Variants in LRRC15 observed in about 807,000 individuals in gnomAD.
LRRC15 encodes the protein leucine-rich repeat-containing protein 15.
LRRC15 carries 5 observed loss-of-function variants against 4.3 expected under a neutral mutation model. The ratio of observed to expected loss-of-function variants is 1.16; its 90% CI spans 0.61 to 2.44. The LOEUF (loss-of-function observed/expected upper bound fraction) is 2.44. Among genes scored for constraint, LRRC15 ranks in the 30% most tolerant of loss-of-function variants. LRRC15 has a pLI of 0.01. For missense variants in LRRC15, 769 were observed against 747.0 expected (o/e 1.03, Z -0.34); for synonymous variants, 337 against 323.2 (o/e 1.04, Z -0.46).
chr3:194,365,434 G>A (rs1713749543), intron 1 of LRRC15, among the ~76,000 whole-genome samples: 1 of 152,182 alleles, frequency 6.6e-6, no homozygotes, highest in African/African-American at 2.4e-5. Flanking sequence ...CACATTCCCT[G>A]AACACGAGGT....
In LRRC15 at chr3:194,359,178, C is replaced by A. The variant is rs6789869; in HGVS notation, c.*120G>T. On this transcript the variant is annotated 3_prime_UTR_variant, in exon 2 of 2. Transcript: ENST00000347624. ...GTCAGGAAGAGGTAGGCTCACCTTT[C>A]TCTGGGGCCAGAAAGAGCAATCACG... The A allele has an allele frequency of 0.23, 222,932 of 960,936 alleles. 27,778 individuals are homozygous for A. Among genetic ancestry groups the A allele is most frequent in the Non-Finnish European group, 0.26 (169,825 of 654,840 alleles). The allele number at this position is 960,936 out of a possible 1,614,324, so 59.5% of individuals were successfully genotyped here.
chr3:194,356,806 A>G lies in LRRC15; in HGVS notation c.*2492T>C, dbSNP rs537548447. The stretch of plus-strand genomic sequence containing the variant: ...CTCCAGCCCTGGCCCACTTGTGCCT[A>G]TGCACAAAGACATCTGGAGGCCACT... On this transcript the variant is annotated 3_prime_UTR_variant, in exon 2 of 2. Coordinates refer to ENST00000347624, the MANE Select transcript of LRRC15 (RefSeq NM_130830.5). The G allele has an allele frequency of 1.3e-5, 2 of 152,428 alleles. No homozygotes were observed. The highest frequency in any genetic ancestry group is 6.5e-5 in the Admixed American group (1 of 15,310). The allele number at this position is 152,428 out of a possible 1,614,324, so 9.4% of individuals were successfully genotyped here. A position where few individuals can be genotyped will look rare whatever the true frequency, so the allele number is the denominator to read the frequency against.
chr3:194,367,101 A>T (rs4974535), intron 1 of LRRC15, among the ~76,000 whole-genome samples: 1 of 151,932 alleles, frequency 6.6e-6, no homozygotes, highest in Non-Finnish European at 1.5e-5. Context: ...ACCAGGCTGC[A>T]TGGGTTCAGG....
chr3:194,362,960 G>A (rs927676633), intron 1 of LRRC15, among the ~76,000 whole-genome samples: 3 of 44,914 alleles, frequency 6.7e-5, no homozygotes, highest in Admixed American at 5.5e-4. Flanking sequence ...TTTTTTTTTT[G>A]AGATGGAGTC....
At chr3:194,362,964 T>C (rs1713674786) in intron 1 of LRRC15, among the ~76,000 whole-genome samples, 2 of 138,130 alleles carry the variant, frequency 1.4e-5, no homozygotes, top group Non-Finnish European at 1.5e-5. Flanking sequence ...TTTTTTGAGA[T>C]GGAGTCTCGC....
chr3:194,360,627 C>T lies in LRRC15; in HGVS notation c.417G>A (p.Gln139=). 1.2e-6 allele frequency: 2 copies of T among 1,614,194 alleles called. No homozygotes were observed. The highest frequency in any genetic ancestry group is 1.7e-6 in the Non-Finnish European group (2 of 1,180,044). The change falls in exon 2 of 2, where the codon CAG becomes CAA. Residue 139 remains glutamine, a synonymous_variant. Transcript: ENST00000347624. ...SLLLSSNQLL[Q]IQPAHFSQCS... ...ACTGGGAGAAGTGGGCCGGCTGGAT[C>T]TGCAACAGCTGGTTACTGGACAGAA...
intron 1 of LRRC15, among the ~76,000 whole-genome samples, chr3:194,362,049 T>A (rs1713642887): frequency 6.6e-6 from 1 of 152,102 alleles, no homozygotes; most frequent in South Asian, 2.1e-4. Flanking sequence ...AGGTCAGGTG[T>A]GGCAATGTTC....
intron 1 of LRRC15, 85 bp from the exon 2 acceptor site, chr3:194,361,131 AT>A: frequency 1.6e-6 from 2 of 1,229,670 alleles, no homozygotes; most frequent in Non-Finnish European, 1.1e-6. Flanking sequence ...TCCAGTGCCA[AT>A]GCTGGCTTGG....
At chr3:194,368,843 G>A (rs1021636876) in intron 1 of LRRC15, among the ~76,000 whole-genome samples, 6 of 152,186 alleles carry the variant, frequency 3.9e-5, no homozygotes, top group South Asian at 2.1e-4. Flanking sequence ...CTGCCTCTAC[G>A]TTTGAGCAGA....
At chr3:194,361,676 C>G (rs1713632640) in intron 1 of LRRC15, among the ~76,000 whole-genome samples, 1 of 152,198 alleles carries the variant, frequency 6.6e-6, no homozygotes. Context: ...CCGGGAGGTG[C>G]AGCAGCGGCG....
At position 194,359,920 on chromosome 3, in the gene LRRC15, T is replaced by TTGTTCTGCAGGGAGA. The variant is rs1427208799; in HGVS notation, c.1109_1123dup (p.Ile370_Asn374dup). On this transcript the variant is annotated inframe_insertion, in exon 2 of 2. Coordinates refer to ENST00000347624, the MANE Select transcript of LRRC15 (RefSeq NM_130830.5). ...ATTCCCTGGGAGCTGTCTGAGGCGG[T>TTGTTCTGCAGGGAGA]TGTTCTGCAGGGAGATGTTCTGCAG... The TTGTTCTGCAGGGAGA allele has an allele frequency of 6.2e-7, 1 of 1,614,076 alleles. No homozygotes were observed. The highest frequency in any genetic ancestry group is 1.7e-5 in the Admixed American group (1 of 60,020).
Position 194,360,229 on chromosome 3 carries a change from T to C in LRRC15, c.815A>G (p.Asn272Ser), listed in dbSNP as rs1576998724. Residue 272 changes from asparagine (N) to serine (S), a missense_variant, in exon 2 of 2, where the codon AAC (asparagine) becomes AGC (serine). Transcript: ENST00000347624. Reference sequence around the variant, plus strand: ...GGAATTCCCAAAGAGAGTAAGACGGTTGAGCTGGGGCAGCTGCATGAAGAC... The same window carrying C: ...GGAATTCCCAAAGAGAGTAAGACGGCTGAGCTGGGGCAGCTGCATGAAGAC... ...PSVFMQLPQLNRLTLFGNSLK... is the reference protein window; with the variant it reads ...PSVFMQLPQLSRLTLFGNSLK... 3 of 1,613,764 alleles carry C rather than the reference T, an allele frequency of 1.9e-6. No homozygotes were observed. Among genetic ancestry groups the C allele is most frequent in the Non-Finnish European group, 2.5e-6 (3 of 1,179,752 alleles).
chr3:194,360,804 G>C lies in LRRC15; in HGVS notation c.240C>G (p.Ile80Met), dbSNP rs149041793. ...GCTCATTCTTCTCAATCCTCAGGGC[G>C]ATGAGGGCTGAGATATTGAGGAACG... ...ESPFLNISALIALRIEKNELS... is the reference protein window; with the variant it reads ...ESPFLNISALMALRIEKNELS... Residue 80 changes from isoleucine (I) to methionine (M), a missense_variant, in exon 2 of 2, where the codon ATC becomes ATG. Coordinates refer to ENST00000347624, the MANE Select transcript of LRRC15 (RefSeq NM_130830.5). 9 of 1,614,100 alleles carry C rather than the reference G, an allele frequency of 5.6e-6. No individual in the cohort carries two copies. In the African/African-American group the frequency reaches 9.3e-5, roughly 17 times the overall value.
At position 194,359,455 on chromosome 3, in the gene LRRC15, C is replaced by T. The variant is rs781379203; in HGVS notation, c.1589G>A (p.Trp530Ter). Reference protein sequence around the residue: ...TIQVTDDRSVWGMTQAQSGLA... With the variant: ...TIQVTDDRSV Reference sequence around the variant, plus strand: ...CCCGCTCTGGGCCTGGGTCATGCCCCAAACGCTGCGGTCATCAGTGACCTG... The same window carrying T: ...CCCGCTCTGGGCCTGGGTCATGCCCTAAACGCTGCGGTCATCAGTGACCTG... The change falls in exon 2 of 2, where the codon TGG becomes TAG. Residue 530 changes from tryptophan (W) to a stop codon, truncating the protein, a stop_gained. Coordinates refer to ENST00000347624, the MANE Select transcript of LRRC15 (RefSeq NM_130830.5). LOFTEE classifies it high-confidence loss of function. 3.7e-6 allele frequency: 6 copies of T among 1,614,106 alleles called. No homozygotes were observed. In the Admixed American group the frequency reaches 1.0e-4, roughly 27 times the overall value.
In LRRC15 at chr3:194,360,597, G is replaced by T; in HGVS notation, c.447C>A (p.Ser149Arg). 1 of 1,614,160 alleles carries T rather than the reference G, an allele frequency of 6.2e-7. No individual in the cohort carries two copies. Among genetic ancestry groups the T allele is most frequent in the South Asian group, 1.1e-5 (1 of 91,072 alleles). The change falls in exon 2 of 2, where the codon AGC (serine) becomes AGA (arginine). Residue 149 changes from serine (S) to arginine (R), a missense_variant. By Grantham distance (110) the Ser-to-Arg change is moderately radical. Coordinates refer to ENST00000347624, the MANE Select transcript of LRRC15 (RefSeq NM_130830.5). ...QIQPAHFSQC[S>R]NLKELQLHGN... is the part of the protein sequence containing the mutation. ...CGTGCAACTGCAGCTCCTTGAGGTT[G>T]CTGCACTGGGAGAAGTGGGCCGGCT...
chr3:194,360,028 C>T lies in LRRC15; in HGVS notation c.1016G>A (p.Gly339Glu). 1 of 1,614,200 alleles carries T rather than the reference C, an allele frequency of 6.2e-7. No individual in the cohort carries two copies. Among genetic ancestry groups the T allele is most frequent in the Non-Finnish European group, 8.5e-7 (1 of 1,180,044 alleles). ...GGACAGCTCCCGAAGCTCCGTTAGC[C>T]CGTTGAAGGCACCCGGGGAGATGAA... ...ISFISPGAFN[G>E]LTELRELSLH... is the part of the protein sequence containing the mutation. Residue 339 changes from glycine (G) to glutamate (E), a missense_variant, in exon 2 of 2, where the codon GGG (glycine) becomes GAG (glutamate). By Grantham distance (98) the Gly-to-Glu change is moderately conservative (BLOSUM62 -2). Coordinates refer to ENST00000347624, the MANE Select transcript of LRRC15 (RefSeq NM_130830.5).
At chr3:194,367,693 G>T (rs571779164) in intron 1 of LRRC15, among the ~76,000 whole-genome samples, 219 of 152,290 alleles carry the variant, frequency 1.4e-3, no homozygotes, top group African/African-American at 4.9e-3. Flanking sequence ...AAGGTCACAG[G>T]CCCCTGATTT....
chr3:194,359,244 A>T lies in LRRC15; in HGVS notation c.*54T>A. ...CCCAGGGGTGGAGGCAGAAAGATGAAATTCCCAGGTCCTCCAGTCCCATCA... is the reference window on the plus strand; with the variant it reads ...CCCAGGGGTGGAGGCAGAAAGATGATATTCCCAGGTCCTCCAGTCCCATCA... On this transcript the variant is annotated 3_prime_UTR_variant, in exon 2 of 2. Coordinates refer to ENST00000347624, the MANE Select transcript of LRRC15 (RefSeq NM_130830.5). 1.3e-6 allele frequency: 2 copies of T among 1,481,798 alleles called. No homozygotes were observed. Among genetic ancestry groups the T allele is most frequent in the Non-Finnish European group, 1.8e-6 (2 of 1,104,582 alleles). The allele number at this position is 1,481,798 out of a possible 1,614,324, so 91.8% of individuals were successfully genotyped here.
rs147820280 is a variant in LRRC15 at position 194,359,419 on chromosome 3, G to A, written c.1625C>T (p.Ala542Val). ...MTQAQSGLAI[A>V]AIVIGIVALA... ...GGCGACAATGCCAATTACAATGGCG[G>A]CAATGGCCAGCCCGCTCTGGGCCTG... The change falls in exon 2 of 2, where the codon GCC becomes GTC. Residue 542 changes from alanine (A) to valine (V), a missense_variant. Coordinates refer to ENST00000347624, the MANE Select transcript of LRRC15 (RefSeq NM_130830.5). The A allele has an allele frequency of 1.1e-5, 17 of 1,614,126 alleles. No homozygotes were observed. Among genetic ancestry groups the A allele is most frequent in the Non-Finnish European group, 1.4e-5 (16 of 1,180,062 alleles).
Sources: allele counts gnomAD v4.1 joint callset (sites outside exome capture counted in the v4.1 genomes callset), GRCh38; gene constraint gnomAD v4.1.1; transcripts MANE v1.5; gene names NCBI Gene and HGNC (gene_info 2026-07-23, HGNC 2026-07-21).